The following NMBR variants were observed in gnomAD, a reference collection of about 807,000 sequenced individuals.
NMBR encodes neuromedin B receptor.
A neutral mutation model predicts 20.5 loss-of-function variants in NMBR; 16 were observed. The observed-to-expected ratio is 0.78, with a 90% CI of 0.53 to 1.19. The LOEUF is 1.19. NMBR is among the 50% of genes most tolerant of loss of function. The pLI is 0.00. For missense variants in NMBR, 582 were observed against 499.1 expected (o/e 1.17, Z -1.58); for synonymous variants, 212 against 196.6 (o/e 1.08, Z -0.65).
At chr6:142,105,106 GCGGGGGAA>G (rs1347382253) in intron 1 of NMBR, among the ~76,000 whole-genome samples, 31 of 149,650 alleles carry the variant, frequency 2.1e-4, no homozygotes, top group African/African-American at 6.8e-4. Context: ...ATTAACAAGG[GCGGGGGAA>G]TATCACAAAG....
At chr6:142,105,186 G>A (rs1777638734) in intron 1 of NMBR, among the ~76,000 whole-genome samples, 1 of 152,036 alleles carries the variant, frequency 6.6e-6, no homozygotes, top group Admixed American at 6.6e-5. Flanking sequence ...GTTAGGGTGG[G>A]GCAGGAACAG....
At chr6:142,085,692 T>C (rs982226705) in intron 2 of NMBR, among the ~76,000 whole-genome samples, 1 of 152,074 alleles carries the variant, frequency 6.6e-6, no homozygotes, top group Admixed American at 6.5e-5. Flanking sequence ...AGAATATGAG[T>C]CTCCACTTCA....
Position 142,075,838 on chromosome 6 carries a change from C to A in NMBR, c.983G>T (p.Ser328Ile), listed in dbSNP as rs1183241179. The part of the protein sequence containing the change: ...CVNPFALYLL[S>I]ESFRRHFNSQ... ...GTTGAAATGCCTCCTGAAGCTTTCA[C>A]TGAGTAGGTAAAGAGCAAATGGGTT... Residue 328 changes from serine to isoleucine, a missense_variant, in exon 4 of 4, where the codon AGT becomes ATT. Ser to Ile is a moderately radical substitution (Grantham distance 142, BLOSUM62 -2). Coordinates refer to ENST00000258042, the MANE Select transcript of NMBR (RefSeq NM_002511.4). The A allele has an allele frequency of 2.5e-6, 4 of 1,613,922 alleles. No individual in the cohort carries two copies. Among genetic ancestry groups the A allele is most frequent in the Non-Finnish European group, 3.4e-6 (4 of 1,179,970 alleles).
intron 1 of NMBR, among the ~76,000 whole-genome samples, chr6:142,124,499 A>T (rs1179180741): frequency 6.6e-6 from 1 of 151,910 alleles, no homozygotes; most frequent in Non-Finnish European, 1.5e-5. Context: ...AACTGAAACT[A>T]GCAGAATTAA....
At chr6:142,134,033 G>GT (rs1489703221) in intron 1 of NMBR, 2 of 682,830 alleles carry the variant, frequency 2.9e-6, no homozygotes, top group South Asian at 1.5e-5. Context: ...CACTCCACAA[G>GT]TAAGTTTTTC....
At chr6:142,115,463 A>G (rs1777834802) in intron 1 of NMBR, among the ~76,000 whole-genome samples, 1 of 152,092 alleles carries the variant, frequency 6.6e-6, no homozygotes, top group South Asian at 2.1e-4. Flanking sequence ...TCAGAATGCT[A>G]AGTTAAGGTG....
chr6:142,114,755 T>C lies in NMBR; in HGVS notation c.-663-25434A>G, dbSNP rs1404031255. ...AGAGTAAAGGTGGTAACATAACACA[T>C]AATTGTGGTAATGGTCAATGCAATT... On this transcript the variant is annotated intron_variant, in intron 1 of 3. Transcript: ENST00000258042. Among the ~76,000 whole-genome samples the C allele has an allele frequency of 2.0e-4, 31 of 152,102 alleles. 2 individuals carry two copies. The highest frequency in any genetic ancestry group is 2.0e-3 in the Admixed American group (31 of 15,250).
intron 1 of NMBR, among the ~76,000 whole-genome samples, chr6:142,105,002 G>A (rs1777632966): frequency 1.3e-5 from 2 of 152,262 alleles, no homozygotes; most frequent in South Asian, 4.2e-4. Context: ...ACATTCTCAA[G>A]GGCGGGAAGA....
At chr6:142,143,245 G>A (rs951871005) in intron 1 of NMBR, among the ~76,000 whole-genome samples, 6 of 152,078 alleles carry the variant, frequency 3.9e-5, no homozygotes, top group South Asian at 4.1e-4. Context: ...TGAAAACTAC[G>A]AAACAGTGAT....
At chr6:142,123,785 T>C (rs970331184) in intron 1 of NMBR, among the ~76,000 whole-genome samples, 3 of 151,880 alleles carry the variant, frequency 2.0e-5, no homozygotes, top group African/African-American at 7.2e-5. Context: ...AATATGTAAA[T>C]GAAAGGATAT....
intron 1 of NMBR, among the ~76,000 whole-genome samples, chr6:142,099,665 G>T (rs1777524119): frequency 6.6e-6 from 1 of 151,962 alleles, no homozygotes; most frequent in Admixed American, 6.6e-5. Flanking sequence ...ATACAAAACT[G>T]AAGAGATAAT....
intron 2 of NMBR, among the ~76,000 whole-genome samples, chr6:142,082,170 T>C (rs959693680): frequency 2.0e-5 from 3 of 152,212 alleles, no homozygotes; most frequent in African/African-American, 7.2e-5. Flanking sequence ...TTTCTTTTTT[T>C]CTTATTAAAC....
At position 142,075,992 on chromosome 6, in the gene NMBR, A is replaced by G; in HGVS notation, c.829T>C (p.Phe277Leu). 1 of 1,611,266 alleles carries G rather than the reference A, an allele frequency of 6.2e-7. No homozygotes were observed. The highest frequency in any genetic ancestry group is 1.1e-5 in the South Asian group (1 of 90,304). Residue 277 changes from phenylalanine to leucine, a missense_variant, in exon 4 of 4, where the codon TTC (phenylalanine) becomes CTC (leucine). Physicochemically the swap from Phe to Leu is conservative, Grantham distance 22 (BLOSUM62 0). Transcript: ENST00000258042. ...IVLVFVGCFIFCWFPNHILYM... is the reference protein window; with the variant it reads ...IVLVFVGCFILCWFPNHILYM... The stretch of plus-strand genomic sequence containing the variant: ...AGGATGTGGTTTGGAAACCAACAGA[A>G]GATGAAACAGCCCACAAAGACAAGC...
chr6:142,138,761 G>A (rs1237659684), intron 1 of NMBR, among the ~76,000 whole-genome samples: 7 of 152,074 alleles, frequency 4.6e-5, no homozygotes, highest in African/African-American at 1.7e-4. Flanking sequence ...CTGCAACTTT[G>A]CAAGGCTGGT....
intron 1 of NMBR, among the ~76,000 whole-genome samples, chr6:142,132,110 G>C (rs905141735): frequency 7.2e-5 from 11 of 152,108 alleles, no homozygotes; most frequent in African/African-American, 2.4e-4. Flanking sequence ...TGAGAACACT[G>C]TCCCCTGTTT....
At chr6:142,134,541 A>G in intron 1 of NMBR, 1 of 551,834 alleles carries the variant, frequency 1.8e-6, no homozygotes, top group Admixed American at 3.5e-5. Flanking sequence ...TGTTCTAGGC[A>G]TTACAACTAG....
chr6:142,102,033 C>T (rs888505102), intron 1 of NMBR, among the ~76,000 whole-genome samples: 6 of 152,136 alleles, frequency 3.9e-5, no homozygotes, highest in African/African-American at 1.4e-4. Context: ...GAGTGTGCTC[C>T]TTAGCCAGGG....
rs34631481 is a variant in NMBR at position 142,126,757 on chromosome 6, ATTTTTT to A, written c.-664+20281_-664+20286del. 3.9e-4 allele frequency among the ~76,000 whole-genome samples: 20 copies of A among 51,364 alleles called. No individual in the cohort carries two copies. The East Asian group carries it at 6.3e-3, about 16-fold the overall frequency. 33.7% of individuals were successfully genotyped at this position (51,364 alleles called of 152,430 possible). On this transcript the variant is annotated intron_variant, in intron 1 of 3. Coordinates refer to ENST00000258042, the MANE Select transcript of NMBR (RefSeq NM_002511.4). ...ATTTTTGAGTCAGGTTATTTGAGGG[ATTTTTT>A]TTTTTTTTTTTTTTTTTTGCTGTTG...
intron 1 of NMBR, chr6:142,133,317 A>G (rs1357407918): frequency 2.3e-6 from 1 of 425,704 alleles, no homozygotes; most frequent in African/African-American, 2.0e-5. Context: ...TTAAGTGTCA[A>G]CCATATACTT....
Sources: gnomAD v4.1 joint callset for allele counts (sites outside exome capture counted in the v4.1 genomes callset) on GRCh38, gnomAD v4.1.1 for gene constraint, MANE v1.5 for transcripts, NCBI Gene and HGNC (gene_info 2026-07-23, HGNC 2026-07-21) for gene names.